The following SEMA6D variants were observed in gnomAD, a reference collection of about 807,000 sequenced individuals.
SEMA6D encodes semaphorin 6D.
SEMA6D carries 35 observed loss-of-function variants against 106.6 expected under a neutral mutation model. The ratio of observed to expected loss-of-function variants is 0.33; its 90% CI spans 0.25 to 0.44. SEMA6D has a LOEUF of 0.44. SEMA6D is among the 20% of genes least tolerant of loss of function. The pLI, the probability that SEMA6D is intolerant of heterozygous loss-of-function variation, is 1.00. For missense variants in SEMA6D, 1,185 were observed against 1,345.9 expected (o/e 0.88, Z 1.87); for synonymous variants, 499 against 487.7 (o/e 1.02, Z -0.31).
At chr15:47,569,786 C>T (rs184962488) in intron 3 of SEMA6D, among the ~76,000 whole-genome samples, 19 of 152,202 alleles carry the variant, frequency 1.2e-4, no homozygotes, top group South Asian at 6.2e-4. Context: ...TGAGGCCAGG[C>T]GCAGTGGCTT....
intron 3 of SEMA6D, among the ~76,000 whole-genome samples, chr15:47,556,360 C>A (rs146442238): frequency 2.2e-3 from 336 of 152,122 alleles, no homozygotes; most frequent in African/African-American, 7.9e-3. Flanking sequence ...TCTGCTTTTT[C>A]CACTTAACAT....
chr15:47,769,210 A>G (rs886169990), intron 18 of SEMA6D, among the ~76,000 whole-genome samples: 3 of 152,232 alleles, frequency 2.0e-5, no homozygotes, highest in Admixed American at 6.5e-5. Context: ...GCCACAAGCA[A>G]TAAAACATAA....
chr15:47,509,555 C>T (rs1168513553), intron 3 of SEMA6D, among the ~76,000 whole-genome samples: 2 of 152,158 alleles, frequency 1.3e-5, no homozygotes, highest in Non-Finnish European at 2.9e-5. Flanking sequence ...AAAATATTGC[C>T]CCCGAATTAT....
At chr15:47,726,167 G>A (rs148911385) in intron 1 of SEMA6D, among the ~76,000 whole-genome samples, 14 of 152,336 alleles carry the variant, frequency 9.2e-5, no homozygotes, top group African/African-American at 3.4e-4. Flanking sequence ...AAACTGGCCT[G>A]GTTCAACTAG....
chr15:47,278,583 A>G (rs939409378), intron 1 of SEMA6D, among the ~76,000 whole-genome samples: 1 of 152,064 alleles, frequency 6.6e-6, no homozygotes, highest in African/African-American at 2.4e-5. Flanking sequence ...ATCTGATGGT[A>G]GTTTCTTTTG....
chr15:47,704,548 A>T (rs2078876266), intron 4 of SEMA6D, among the ~76,000 whole-genome samples: 1 of 151,958 alleles, frequency 6.6e-6, no homozygotes, highest in African/African-American at 2.4e-5. Flanking sequence ...GCCAAACCCC[A>T]TCTCTACAAA....
intron 4 of SEMA6D, among the ~76,000 whole-genome samples, chr15:47,663,249 C>G (rs1912636): frequency 0.056 from 8,592 of 152,168 alleles, 821 homozygotes; most frequent in African/African-American, 0.2. Context: ...GAGGAATGTT[C>G]CAAGAACATT....
rs2145708813 is a variant in SEMA6D, at chr15:47,385,332, A to T, written c.-238-27061A>T. Among the ~76,000 whole-genome samples the T allele has an allele frequency of 1.3e-5, 2 of 152,306 alleles. 1 individual carries two copies. The highest frequency in any genetic ancestry group is 4.1e-4 in the South Asian group (2 of 4,826). ...GACACATGAATATACATGTTGGTAT[A>T]GTCATAGTAGACATTATGCTCTTTC... On this transcript the variant is annotated intron_variant, in intron 1 of 19. Transcript: ENST00000558014.
At chr15:47,741,833 A>G (rs1159333800) in intron 1 of SEMA6D, among the ~76,000 whole-genome samples, 1 of 152,220 alleles carries the variant, frequency 6.6e-6, no homozygotes, top group Non-Finnish European at 1.5e-5. Flanking sequence ...TCTACCAATA[A>G]GCCATAGATC....
chr15:47,262,292 A>G (rs570603258), intron 1 of SEMA6D, among the ~76,000 whole-genome samples: 2 of 152,288 alleles, frequency 1.3e-5, no homozygotes, highest in African/African-American at 2.4e-5. Context: ...TGTTATGCCT[A>G]TTAAACTATC....
chr15:47,661,394 G>A (rs2077915592), intron 4 of SEMA6D, among the ~76,000 whole-genome samples: 1 of 152,138 alleles, frequency 6.6e-6, no homozygotes, highest in African/African-American at 2.4e-5. Flanking sequence ...ATATATTTTA[G>A]AATTAAGATT....
At chr15:47,566,075 A>G (rs2046222688) in intron 3 of SEMA6D, among the ~76,000 whole-genome samples, 1 of 152,234 alleles carries the variant, frequency 6.6e-6, no homozygotes, top group African/African-American at 2.4e-5. Flanking sequence ...TGAGTTGGTC[A>G]CATAATCTCA....
intron 1 of SEMA6D, among the ~76,000 whole-genome samples, chr15:47,232,970 G>C (rs2032305924): frequency 6.6e-6 from 1 of 151,924 alleles, no homozygotes; most frequent in South Asian, 2.1e-4. Flanking sequence ...TAATGTTTTT[G>C]TTTGCTGATT....
chr15:47,428,782 G>A (rs1883000952), intron 2 of SEMA6D, among the ~76,000 whole-genome samples: 1 of 151,928 alleles, frequency 6.6e-6, no homozygotes, highest in Admixed American at 6.6e-5. Context: ...AAAAAAGTGG[G>A]TAAGATGGGT....
rs1181515646 is a variant in SEMA6D, at chr15:47,764,925, C to A, written c.1296C>A (p.Pro432=). 6.2e-7 allele frequency: 1 copy of A among 1,613,956 alleles called. No homozygotes were observed. The highest frequency in any genetic ancestry group is 8.5e-7 in the Non-Finnish European group (1 of 1,179,894). The change falls in exon 13 of 19, where the codon CCC becomes CCA. Residue 432 remains proline (P), a synonymous_variant. Coordinates refer to ENST00000536845, the MANE Select transcript of SEMA6D (RefSeq NM_001358351.3). The part of the protein sequence containing the change: ...TAISVDHSAG[P]YQNYTVIFVG... ...TCTCAGTGGACCATTCAGCCGGACC[C>A]TACCAGAACTACACAGTCATCTTTG...
intron 4 of SEMA6D, among the ~76,000 whole-genome samples, chr15:47,634,366 G>A (rs865856146): frequency 4.6e-5 from 7 of 152,112 alleles, no homozygotes; most frequent in South Asian, 4.1e-4. Flanking sequence ...TCACTTTCCC[G>A]ATGGTCTTCA....
intron 1 of SEMA6D, among the ~76,000 whole-genome samples, chr15:47,256,685 C>A (rs570055059): frequency 6.6e-6 from 1 of 151,936 alleles, no homozygotes; most frequent in Non-Finnish European, 1.5e-5. Context: ...ATGGTGAAAC[C>A]CTGTCTGTAC....
intron 3 of SEMA6D, among the ~76,000 whole-genome samples, chr15:47,479,564 G>T (rs900612922): frequency 6.6e-6 from 1 of 152,104 alleles, no homozygotes; most frequent in Admixed American, 6.6e-5. Flanking sequence ...TCTTCAAGAG[G>T]GTGGAGGCAA....
chr15:47,281,613 C>A (rs1440349459), intron 1 of SEMA6D, among the ~76,000 whole-genome samples: 1 of 152,124 alleles, frequency 6.6e-6, no homozygotes, highest in Non-Finnish European at 1.5e-5. Flanking sequence ...GATGCAGTTT[C>A]TTCCTAGTCT....
Sources: gnomAD v4.1 joint callset for allele counts (sites outside exome capture counted in the v4.1 genomes callset) on GRCh38, gnomAD v4.1.1 for gene constraint, MANE v1.5 for transcripts, NCBI Gene and HGNC (gene_info 2026-07-23, HGNC 2026-07-21) for gene names.